Variants in FHIT observed in about 807,000 individuals in gnomAD.
FHIT encodes the protein bis(5'-adenosyl)-triphosphatase.
Under a neutral mutation model 17.9 loss-of-function variants are expected in FHIT, and 19 were observed. That is an observed-to-expected ratio of 1.06 (90% CI 0.74 to 1.56). The LOEUF (loss-of-function observed/expected upper bound fraction) is 1.56. Among genes scored for constraint, FHIT ranks in the 40% most tolerant of loss-of-function variants. FHIT has a pLI of 0.00. For synonymous variants in FHIT, 81 were observed against 69.7 expected, an observed-to-expected ratio of 1.16 and a Z score of -0.81; for missense variants, 248 against 189.2, an observed-to-expected ratio of 1.31 and a Z score of -1.82.
chr3:59,769,689 TTGA>T (rs1447841693), intron 8 of FHIT, among the ~76,000 whole-genome samples: 2 of 152,156 alleles, frequency 1.3e-5, no homozygotes, highest in Non-Finnish European at 2.9e-5. Context: ...GCCAGCTTAT[TTGA>T]TTCCAATAAC....
At chr3:59,956,897 T>G (rs1348554320) in intron 7 of FHIT, among the ~76,000 whole-genome samples, 1 of 152,232 alleles carries the variant, frequency 6.6e-6, no homozygotes, top group Admixed American at 6.5e-5. Context: ...CTTAAAGCAC[T>G]CTCCATTACT....
chr3:60,193,068 C>T (rs1041163213), intron 5 of FHIT, among the ~76,000 whole-genome samples: 1 of 152,160 alleles, frequency 6.6e-6, no homozygotes. Flanking sequence ...CCAGACTGCA[C>T]TCAGAAAAAT....
chr3:60,894,720 T>G (rs1444760251), intron 3 of FHIT, among the ~76,000 whole-genome samples: 1 of 152,042 alleles, frequency 6.6e-6, no homozygotes, highest in African/African-American at 2.4e-5. Flanking sequence ...CTTTAAAAAA[T>G]TAAAATATTC....
chr3:60,592,495 C>A (rs550479392), intron 4 of FHIT, among the ~76,000 whole-genome samples: 1 of 152,186 alleles, frequency 6.6e-6, no homozygotes, highest in Non-Finnish European at 1.5e-5. Flanking sequence ...CCGTGGTCAT[C>A]TAAAACCCAG....
chr3:60,456,074 A>G (rs975621176), intron 5 of FHIT, among the ~76,000 whole-genome samples: 18 of 152,162 alleles, frequency 1.2e-4, no homozygotes, highest in African/African-American at 4.3e-4. Flanking sequence ...AGAATATCTG[A>G]AAGAGTTGGC....
intron 5 of FHIT, among the ~76,000 whole-genome samples, chr3:60,253,308 G>A (rs982824166): frequency 1.3e-5 from 2 of 152,148 alleles, no homozygotes; most frequent in African/African-American, 4.8e-5. Context: ...TTGTAAAAAG[G>A]AGAAAATATA....
intron 5 of FHIT, among the ~76,000 whole-genome samples, chr3:60,478,298 A>C (rs965558697): frequency 6.6e-6 from 1 of 152,222 alleles, no homozygotes; most frequent in Admixed American, 6.5e-5. Flanking sequence ...GGGCCCTTCC[A>C]AACAATTGGT....
intron 5 of FHIT, among the ~76,000 whole-genome samples, chr3:60,020,780 G>A (rs1212927644): frequency 6.6e-6 from 1 of 152,146 alleles, no homozygotes; most frequent in Non-Finnish European, 1.5e-5. Flanking sequence ...TACTTTTCAA[G>A]AAAATATTCA....
At chr3:59,967,539 T>C (rs1707983221) in intron 7 of FHIT, among the ~76,000 whole-genome samples, 1 of 152,110 alleles carries the variant, frequency 6.6e-6, no homozygotes, top group South Asian at 2.1e-4. Flanking sequence ...ATGCGGTCTG[T>C]GGTTGACTGA....
intron 4 of FHIT, among the ~76,000 whole-genome samples, chr3:60,580,502 T>C (rs2037716339): frequency 6.6e-6 from 1 of 152,142 alleles, no homozygotes. Context: ...TCAACTTCCA[T>C]TTTAATATTT....
At chr3:60,925,067 C>T (rs1553769483) in intron 3 of FHIT, among the ~76,000 whole-genome samples, 1 of 152,092 alleles carries the variant, frequency 6.6e-6, no homozygotes, top group Non-Finnish European at 1.5e-5. Flanking sequence ...TGTGAAAAGA[C>T]CAAATCTACA....
intron 5 of FHIT, among the ~76,000 whole-genome samples, chr3:60,233,829 C>T (rs1165161929): frequency 6.6e-6 from 1 of 152,028 alleles, no homozygotes; most frequent in African/African-American, 2.4e-5. Context: ...GGGGAGTCCC[C>T]CTGTACATGC....
chr3:60,607,065 C>T lies in FHIT; in HGVS notation c.-17-70086G>A, dbSNP rs557809963. 1.5e-3 allele frequency among the ~76,000 whole-genome samples: 227 copies of T among 152,110 alleles called. 1 individual carries two copies. Among genetic ancestry groups the T allele is most frequent in the Admixed American group, 2.4e-3 (37 of 15,266 alleles). The stretch of plus-strand genomic sequence containing the variant: ...AAAAGTTGTTAATTCAAGCTAAAGC[C>T]GGGTTCTCTATTACTAGTGTCTGTC... On this transcript the variant is annotated intron_variant, in intron 4 of 9. Transcript: ENST00000492590.
At chr3:60,959,717 A>G (rs1453374286) in intron 3 of FHIT, among the ~76,000 whole-genome samples, 1 of 152,112 alleles carries the variant, frequency 6.6e-6, no homozygotes, top group Non-Finnish European at 1.5e-5. Context: ...GCAGAAAGAA[A>G]GAGATTTTGA....
At chr3:60,561,237 G>C (rs2036935011) in intron 4 of FHIT, among the ~76,000 whole-genome samples, 1 of 152,072 alleles carries the variant, frequency 6.6e-6, no homozygotes, top group South Asian at 2.1e-4. Flanking sequence ...AGGTAGGACT[G>C]AAATGTGGGC....
intron 8 of FHIT, among the ~76,000 whole-genome samples, chr3:59,857,929 C>T (rs139494394): frequency 2.2e-4 from 33 of 152,216 alleles, no homozygotes; most frequent in African/African-American, 7.5e-4. Context: ...GTAGAACTTA[C>T]GGGCGCCACC....
At chr3:59,755,514 C>T (rs903061211) in intron 8 of FHIT, among the ~76,000 whole-genome samples, 3 of 152,182 alleles carry the variant, frequency 2.0e-5, no homozygotes, top group Non-Finnish European at 2.9e-5. Flanking sequence ...CAGTATTTGC[C>T]GTGGGTGAAC....
At chr3:60,589,819 A>G (rs1023502548) in intron 4 of FHIT, among the ~76,000 whole-genome samples, 3 of 152,118 alleles carry the variant, frequency 2.0e-5, no homozygotes, top group African/African-American at 7.2e-5. Context: ...TACTGGAGAA[A>G]GTGCTGACCA....
In FHIT at chr3:60,363,001, A is replaced by T. The variant is rs183463554; in HGVS notation, c.103+173859T>A. Among the ~76,000 whole-genome samples the T allele has an allele frequency of 1.5e-4, 23 of 152,310 alleles. No individual in the cohort carries two copies. The East Asian group carries it at 2.7e-3, about 18-fold the overall frequency. On this transcript the variant is annotated intron_variant, in intron 5 of 9. Transcript: ENST00000492590. ...TTCTTCATGTTGGGTAAATCTAGCAATTGAAAAGGAAAGACGCTGTTAAGT... is the reference window on the plus strand; with the variant it reads ...TTCTTCATGTTGGGTAAATCTAGCATTTGAAAAGGAAAGACGCTGTTAAGT...
Sources: allele counts gnomAD v4.1 joint callset (sites outside exome capture counted in the v4.1 genomes callset), GRCh38; gene constraint gnomAD v4.1.1; transcripts MANE v1.5; gene names NCBI Gene and HGNC (gene_info 2026-07-23, HGNC 2026-07-21).